The following RAPH1 variants were observed in gnomAD, a reference collection of about 807,000 sequenced individuals.
RAPH1 encodes the protein Ras association (RalGDS/AF-6) and pleckstrin homology domains 1.
Under a neutral mutation model 88.1 loss-of-function variants are expected in RAPH1, and 18 were observed. The observed-to-expected ratio is 0.20, with a 90% CI of 0.14 to 0.30. The LOEUF (loss-of-function observed/expected upper bound fraction) is 0.30, where lower values mean the gene tolerates loss of function less well. Among genes scored for constraint, RAPH1 ranks in the 10% least tolerant of loss-of-function variants. RAPH1 has a pLI of 1.00. For missense variants in RAPH1, 1,448 were observed against 1,543.2 expected (o/e 0.94, Z 1.03); for synonymous variants, 587 against 559.0 (o/e 1.05, Z -0.71).
intron 4 of RAPH1, among the ~76,000 whole-genome samples, chr2:203,478,097 G>A (rs1228648250): frequency 1.3e-5 from 2 of 150,316 alleles, no homozygotes; most frequent in Non-Finnish European, 2.9e-5. Flanking sequence ...CAAGTGGCAC[G>A]ATCTCAGCTC....
chr2:203,505,972 T>G (rs928187739), intron 1 of RAPH1, among the ~76,000 whole-genome samples: 7 of 152,190 alleles, frequency 4.6e-5, no homozygotes, highest in Admixed American at 2.0e-4. Context: ...CAACTAGAAG[T>G]AGAAGCTGCA....
At chr2:203,533,192 A>G (rs1690465457) in intron 1 of RAPH1, among the ~76,000 whole-genome samples, 1 of 152,224 alleles carries the variant, frequency 6.6e-6, no homozygotes, top group Non-Finnish European at 1.5e-5. Context: ...CTATAATCTT[A>G]GTGAGACCTC....
chr2:203,459,840 A>T, intron 7 of RAPH1, 67 bp downstream of exon 7: 1 of 1,501,954 alleles, frequency 6.7e-7, no homozygotes, highest in Non-Finnish European at 9.2e-7. Flanking sequence ...ACTCTAACTT[A>T]GCAGTAATCG....
At chr2:203,441,997 G>T (rs931936534) in intron 13 of RAPH1, 8 of 1,541,934 alleles carry the variant, frequency 5.2e-6, no homozygotes, top group African/African-American at 4.2e-5. Flanking sequence ...ACACACACTC[G>T]TGTTGGTGTG....
chr2:203,525,774 C>T (rs1021462535), intron 1 of RAPH1, among the ~76,000 whole-genome samples: 4 of 152,018 alleles, frequency 2.6e-5, no homozygotes, highest in Non-Finnish European at 5.9e-5. Context: ...GAGACTCTGT[C>T]TCAGAAAAAC....
chr2:203,480,726 G>C (rs190994889), intron 4 of RAPH1, among the ~76,000 whole-genome samples: 234 of 152,310 alleles, frequency 1.5e-3, no homozygotes, highest in Non-Finnish European at 2.1e-3. Flanking sequence ...CCACTCATTA[G>C]TGTTTCAATA....
At chr2:203,528,989 A>ATATATG (rs1439045856) in intron 1 of RAPH1, among the ~76,000 whole-genome samples, 29 of 74,232 alleles carry the variant, frequency 3.9e-4, no homozygotes, top group Non-Finnish European at 6.1e-4. Context: ...CTATATATAT[A>ATATATG]TATATATATA....
At chr2:203,454,253 G>C (rs1390756546) in intron 10 of RAPH1, among the ~76,000 whole-genome samples, 177 bp downstream of exon 10, 2 of 152,086 alleles carry the variant, frequency 1.3e-5, no homozygotes, top group Non-Finnish European at 2.9e-5. Context: ...TTGGCCCAGG[G>C]TCTGCTATGA....
chr2:203,529,697 A>C (rs1690303466), intron 1 of RAPH1, among the ~76,000 whole-genome samples: 1 of 152,168 alleles, frequency 6.6e-6, no homozygotes, highest in Non-Finnish European at 1.5e-5. Flanking sequence ...TTGACTTAAG[A>C]TTCTACAATA....
intron 1 of RAPH1, among the ~76,000 whole-genome samples, chr2:203,533,944 G>A (rs1182238608): frequency 1.3e-5 from 2 of 152,112 alleles, no homozygotes; most frequent in Non-Finnish European, 2.9e-5. Context: ...AACTCACATT[G>A]CAAGCCAATT....
At chr2:203,476,543 A>G (rs1279866916) in intron 4 of RAPH1, among the ~76,000 whole-genome samples, 2 of 152,152 alleles carry the variant, frequency 1.3e-5, no homozygotes, top group Non-Finnish European at 2.9e-5. Context: ...CTTACAGCAC[A>G]CAATTCAGAT....
At chr2:203,452,179 C>G (rs1355911973) in intron 10 of RAPH1, among the ~76,000 whole-genome samples, 1 of 152,100 alleles carries the variant, frequency 6.6e-6, no homozygotes, top group Non-Finnish European at 1.5e-5. Context: ...TATGAGAGTC[C>G]CCCAATAACT....
At chr2:203,525,145 C>G (rs939385260) in intron 1 of RAPH1, among the ~76,000 whole-genome samples, 2 of 152,194 alleles carry the variant, frequency 1.3e-5, no homozygotes, top group Non-Finnish European at 2.9e-5. Context: ...CCCAGTTGCC[C>G]ACCAACAGGA....
At chr2:203,524,689 T>C (rs958963346) in intron 1 of RAPH1, among the ~76,000 whole-genome samples, 4 of 152,054 alleles carry the variant, frequency 2.6e-5, no homozygotes, top group African/African-American at 9.7e-5. Flanking sequence ...AACCAATCCA[T>C]AGTGACAGAT....
chr2:203,477,553 T>C (rs1014197221), intron 4 of RAPH1, among the ~76,000 whole-genome samples: 1 of 152,196 alleles, frequency 6.6e-6, no homozygotes, highest in African/African-American at 2.4e-5. Flanking sequence ...TTCAAGCTTC[T>C]AGCTTCCCTC....
intron 1 of RAPH1, among the ~76,000 whole-genome samples, chr2:203,511,081 T>C (rs988628714): frequency 6.6e-6 from 1 of 152,130 alleles, no homozygotes; most frequent in Non-Finnish European, 1.5e-5. Context: ...TGGTTACTGG[T>C]GCACTTGCCT....
chr2:203,491,085 T>G (rs1228078477), intron 3 of RAPH1, 129 bp downstream of exon 3: 2 of 532,240 alleles, frequency 3.8e-6, no homozygotes, highest in East Asian at 3.2e-5. Context: ...AAAAAGAAAT[T>G]TAAGAACTTG....
Position 203,448,207 on chromosome 2 carries a change from G to T in RAPH1, c.1513-128C>A. The T allele has an allele frequency of 1.3e-6, 1 of 749,068 alleles. No homozygotes were observed. Among genetic ancestry groups the T allele is most frequent in the Non-Finnish European group, 2.0e-6 (1 of 502,142 alleles). 46.4% of individuals were successfully genotyped at this position (749,068 alleles called of 1,614,324 possible). The stretch of plus-strand genomic sequence containing the variant: ...TGTATTAAAATTAATACCTATGATA[G>T]TTCAAAAATTCCTCTAATACCATAA... On this transcript the variant is annotated intron_variant, in intron 11 of 13. Coordinates refer to ENST00000319170, the MANE Select transcript of RAPH1 (RefSeq NM_213589.3). The surrounding 1 kb of genome is among the most constrained non-coding windows in gnomAD (Gnocchi z 4.1).
intron 4 of RAPH1, among the ~76,000 whole-genome samples, chr2:203,474,550 C>A (rs2098535735): frequency 6.6e-6 from 1 of 152,166 alleles, no homozygotes; most frequent in Non-Finnish European, 1.5e-5. Flanking sequence ...GAAGTCTGCA[C>A]TTTCTTTTGT....
Sources: gnomAD v4.1 joint callset for allele counts (sites outside exome capture counted in the v4.1 genomes callset) on GRCh38, gnomAD v4.1.1 for gene constraint, Gnocchi (gnomAD v3.1) non-coding constraint, MANE v1.5 for transcripts, NCBI Gene and HGNC (gene_info 2026-07-23, HGNC 2026-07-21) for gene names.